LRRC37A3: variants seen among roughly 807,000 people sequenced by gnomAD.
LRRC37A3 encodes the protein leucine rich repeat containing 37 member A3, also known as leucine-rich repeat-containing protein 37A3.
In LRRC37A3, 25 loss-of-function variants were observed where a neutral mutation model predicts 106.2. The ratio of observed to expected loss-of-function variants is 0.24; its 90% confidence interval spans 0.17 to 0.33. LRRC37A3 has a LOEUF of 0.33. LRRC37A3 is among the 10% of genes least tolerant of loss of function. LRRC37A3 has a pLI of 1.00. For missense variants in LRRC37A3, 712 were observed against 1,644.9 expected, an observed-to-expected ratio of 0.43 and a Z score of 9.81; for synonymous variants, 305 against 635.8, an observed-to-expected ratio of 0.48 and a Z score of 7.83.
intron 2 of LRRC37A3, chr17:64,898,941 CGTATACT>C (rs1308428246): frequency 1.3e-6 from 1 of 788,876 alleles, no homozygotes; most frequent in Non-Finnish European, 1.5e-6. Context: ...AATATCATAG[CGTATACT>C]TACACAAACC....
At chr17:64,856,109 CA>C (rs1972671321) in intron 13 of LRRC37A3, among the ~76,000 whole-genome samples, 1 of 152,024 alleles carries the variant, frequency 6.6e-6, no homozygotes, top group South Asian at 2.1e-4. Context: ...GCCCCCACAC[CA>C]TACCAGAATC....
At chr17:64,913,867 C>A (rs1441575446) in intron 2 of LRRC37A3, among the ~76,000 whole-genome samples, 1 of 151,528 alleles carries the variant, frequency 6.6e-6, no homozygotes, top group Non-Finnish European at 1.5e-5. Flanking sequence ...CTAGAACAAG[C>A]AGACAGGAAA....
At chr17:64,877,263 G>A (rs1323605680) in intron 8 of LRRC37A3, among the ~76,000 whole-genome samples, 3 of 152,122 alleles carry the variant, frequency 2.0e-5, no homozygotes, top group Non-Finnish European at 4.4e-5. Flanking sequence ...GTGCAATGGC[G>A]TGACCTCGGC....
chr17:64,899,777 G>C (rs1365073420), intron 2 of LRRC37A3: 1 of 149,220 alleles, frequency 6.7e-6, no homozygotes, highest in African/African-American at 2.6e-5. Context: ...CTCCTGGAGC[G>C]GGGGGAGACT....
chr17:64,918,200 AC>A (rs1220247355), intron 2 of LRRC37A3, among the ~76,000 whole-genome samples: 2 of 151,786 alleles, frequency 1.3e-5, no homozygotes, highest in African/African-American at 2.4e-5. Flanking sequence ...AAAAAAAAAA[AC>A]TTAAACAGAA....
chr17:64,876,670 G>GA lies in LRRC37A3; in HGVS notation c.2907-7505dup, dbSNP rs567978529. On this transcript the variant is annotated intron_variant, in intron 8 of 14. Transcript: ENST00000584306. ...ATATGAACTACTGAATCTGACTTGAGAAAAAAACAGAAAATCTGAATAGAC... is the reference window on the plus strand; with the variant it reads ...ATATGAACTACTGAATCTGACTTGAGAAAAAAAACAGAAAATCTGAATAGAC... Among the ~76,000 whole-genome samples the GA allele has an allele frequency of 2.3e-4, 35 of 152,088 alleles. No individual in the cohort carries two copies. In the South Asian group the frequency reaches 6.4e-3, roughly 28 times the overall value.
intron 8 of LRRC37A3, among the ~76,000 whole-genome samples, chr17:64,875,221 G>A (rs1315035641): frequency 6.6e-6 from 1 of 152,204 alleles, no homozygotes; most frequent in Non-Finnish European, 1.5e-5. Context: ...AGGCTGCAAC[G>A]ATGTGAGTGG....
chr17:64,905,102 T>C (rs1598433721), intron 2 of LRRC37A3, among the ~76,000 whole-genome samples: 1 of 152,164 alleles, frequency 6.6e-6, no homozygotes, highest in African/African-American at 2.4e-5. Context: ...AATCAATGTA[T>C]TAAATCAATT....
At chr17:64,863,202 C>A (rs1972934959) in intron 10 of LRRC37A3, 184 bp from the exon 11 acceptor site, 7 of 661,678 alleles carry the variant, frequency 1.1e-5, no homozygotes, top group Non-Finnish European at 1.3e-5. Flanking sequence ...GAAGGGTAAG[C>A]ATGGCAGTGA....
At chr17:64,914,279 C>G (rs1974657190) in intron 2 of LRRC37A3, among the ~76,000 whole-genome samples, 1 of 152,174 alleles carries the variant, frequency 6.6e-6, no homozygotes, top group Non-Finnish European at 1.5e-5. Context: ...CACAAAGGGG[C>G]TGGGCGCAGT....
At chr17:64,918,381 TTTC>T (rs1271943608) in intron 2 of LRRC37A3, among the ~76,000 whole-genome samples, 2 of 151,320 alleles carry the variant, frequency 1.3e-5, no homozygotes, top group African/African-American at 4.9e-5. Context: ...ATGCAATTTT[TTTC>T]TTTTTTCTTT....
At chr17:64,856,229 C>T (rs1259772587) in intron 13 of LRRC37A3, among the ~76,000 whole-genome samples, 6 of 152,142 alleles carry the variant, frequency 3.9e-5, no homozygotes, top group Admixed American at 2.0e-4. Flanking sequence ...CTGTTGCTTA[C>T]GCTGGAGTGC....
chr17:64,913,212 A>G (rs1485839522), intron 2 of LRRC37A3, among the ~76,000 whole-genome samples: 1 of 151,922 alleles, frequency 6.6e-6, no homozygotes. Flanking sequence ...TATTTTTAGT[A>G]GAGACGGGGT....
intron 8 of LRRC37A3, among the ~76,000 whole-genome samples, chr17:64,870,083 ATTTT>A (rs904361471): frequency 9.1e-6 from 1 of 110,410 alleles, no homozygotes; most frequent in Non-Finnish European, 1.9e-5. Flanking sequence ...CAGAGACCAC[ATTTT>A]TTTTTTTTTT....
chr17:64,915,387 A>G (rs574655058), intron 2 of LRRC37A3, among the ~76,000 whole-genome samples: 3 of 152,278 alleles, frequency 2.0e-5, no homozygotes, highest in Non-Finnish European at 1.5e-5. Context: ...TGTTTTTCTA[A>G]TAATCAAAAC....
At position 64,859,326 on chromosome 17, in the gene LRRC37A3, T is replaced by C. The variant is rs897357555; in HGVS notation, c.4704+116A>G. The C allele has an allele frequency of 2.6e-6, 3 of 1,173,888 alleles. No individual in the cohort carries two copies. The African/African-American group carries it at 4.6e-5, about 18-fold the overall frequency. 72.7% of individuals were successfully genotyped at this position (1,173,888 alleles called of 1,614,324 possible). On this transcript the variant is annotated intron_variant, in intron 12 of 14. Transcript: ENST00000584306. Reference sequence around the variant, plus strand: ...TGGGAGATCACTGTCATGACCAAAGTTACATGGCCAAGATAAGCTATGGCC... The same window carrying C: ...TGGGAGATCACTGTCATGACCAAAGCTACATGGCCAAGATAAGCTATGGCC...
At chr17:64,873,761 T>C (rs1973403894) in intron 8 of LRRC37A3, among the ~76,000 whole-genome samples, 1 of 151,548 alleles carries the variant, frequency 6.6e-6, no homozygotes, top group South Asian at 2.1e-4. Context: ...GAAATAAAAA[T>C]GAATGAAAGT....
At chr17:64,858,938 G>A in intron 12 of LRRC37A3, 55 bp from the exon 13 acceptor site, 2 of 1,198,162 alleles carry the variant, frequency 1.7e-6, no homozygotes, top group South Asian at 2.6e-5. Flanking sequence ...CAGTATTCCA[G>A]GTGAGTAGCT....
rs189154932 is a variant in LRRC37A3, at chr17:64,860,023, C to T, written c.4123G>A (p.Val1375Ile). ...LSPQENPFLE[V>I]SAPSEHFIEN... ...ATAAAATGTTCTGAAGGAGCAGATA[C>T]TTCCAGAAAAGGATTTTCTTGAGGA... Residue 1375 changes from valine (V) to isoleucine (I), a missense_variant, in exon 12 of 15, where the codon GTA becomes ATA. Physicochemically the swap from Val to Ile is conservative, Grantham distance 29. Transcript: ENST00000584306. 8.1e-6 allele frequency: 13 copies of T among 1,613,906 alleles called. No homozygotes were observed. In the Admixed American group the frequency reaches 8.3e-5, roughly 10 times the overall value.
Sources: allele counts gnomAD v4.1 joint callset (sites outside exome capture counted in the v4.1 genomes callset), GRCh38; gene constraint gnomAD v4.1.1; transcripts MANE v1.5; gene names NCBI Gene and HGNC (gene_info 2026-07-23, HGNC 2026-07-21).